The following NMNAT1 variants were observed in gnomAD, a reference collection of about 807,000 sequenced individuals.
NMNAT1 encodes nicotinamide nucleotide adenylyltransferase 1.
Under a neutral mutation model 16.7 loss-of-function variants are expected in NMNAT1, and 11 were observed. That is an observed-to-expected ratio of 0.66 (90% CI 0.41 to 1.09). The LOEUF is 1.09. Ranked by LOEUF, NMNAT1 falls within the 50% of genes least tolerant of loss-of-function variation. NMNAT1 has a pLI of 0.00. For synonymous variants in NMNAT1, 110 were observed against 119.8 expected (o/e 0.92, Z 0.53); for missense variants, 280 against 332.3 (o/e 0.84, Z 1.22).
intron 3 of NMNAT1, 118 bp from the exon 4 acceptor site, chr1:9,980,913 C>G: frequency 1.8e-6 from 2 of 1,140,284 alleles, no homozygotes. Flanking sequence ...ACCTCGGCCT[C>G]CCAAAGTGCT....
intron 1 of NMNAT1, among the ~76,000 whole-genome samples, chr1:9,959,940 A>G (rs1400207380): frequency 2.0e-5 from 3 of 152,220 alleles, no homozygotes; most frequent in Non-Finnish European, 2.9e-5. Context: ...GAACATAGCT[A>G]CATGCTTAAA....
chr1:9,982,276 C>T, intron 4 of NMNAT1, 25 bp from the exon 5 acceptor site: 8 of 1,583,636 alleles, frequency 5.1e-6, no homozygotes, highest in Admixed American at 1.8e-5. Context: ...AAGCATACCC[C>T]AAAGCTCTGT....
chr1:9,944,358 G>C (rs1640914202), intron 1 of NMNAT1, among the ~76,000 whole-genome samples: 1 of 152,046 alleles, frequency 6.6e-6, no homozygotes, highest in South Asian at 2.1e-4. Flanking sequence ...GCCCAGGCTG[G>C]GCAACATAGC....
chr1:9,986,811 G>A (rs561570185), downstream of NMNAT1, among the ~76,000 whole-genome samples: 2 of 152,286 alleles, frequency 1.3e-5, no homozygotes, highest in Admixed American at 1.3e-4. Context: ...GAGCACAGGA[G>A]GCGGAGGTTA....
In NMNAT1 at chr1:9,982,961, C is replaced by T. The variant is rs1002323486; in HGVS notation, c.*260C>T. On this transcript the variant is annotated 3_prime_UTR_variant, in exon 5 of 5. Transcript: ENST00000377205. ...TCTCTACTAAAAATACAAAAATTAG[C>T]TGTGTGTGGTGGCACGTGCCTGTAG... 2 of 314,784 alleles carry T rather than the reference C, an allele frequency of 6.4e-6. No homozygotes were observed. The highest frequency in any genetic ancestry group is 4.4e-5 in the African/African-American group (2 of 45,496). 19.5% of individuals were successfully genotyped at this position (314,784 alleles called of 1,614,324 possible).
chr1:9,966,074 A>G (rs1338138635), intron 1 of NMNAT1, among the ~76,000 whole-genome samples: 7 of 151,950 alleles, frequency 4.6e-5, no homozygotes, highest in Non-Finnish European at 8.8e-5. Context: ...TGAAGCAGTC[A>G]GATCACTTGA....
chr1:9,977,328 C>A (rs953255346), intron 3 of NMNAT1, among the ~76,000 whole-genome samples: 2 of 151,892 alleles, frequency 1.3e-5, no homozygotes, highest in Non-Finnish European at 2.9e-5. Flanking sequence ...TGGCCTCAAG[C>A]AATCCTCCCA....
chr1:9,978,943 C>G (rs1641874650), intron 3 of NMNAT1, among the ~76,000 whole-genome samples: 1 of 152,180 alleles, frequency 6.6e-6, no homozygotes, highest in South Asian at 2.1e-4. Context: ...AAGATTAAGC[C>G]ACACTCTTCC....
At chr1:9,948,249 C>T (rs530979460) in intron 1 of NMNAT1, among the ~76,000 whole-genome samples, 4 of 152,238 alleles carry the variant, frequency 2.6e-5, no homozygotes, top group Non-Finnish European at 4.4e-5. Flanking sequence ...ATACGTTCTT[C>T]TTGCCCATTA....
intron 1 of NMNAT1, among the ~76,000 whole-genome samples, chr1:9,963,320 A>AC (rs1369996250): frequency 1.3e-5 from 2 of 152,118 alleles, no homozygotes; most frequent in African/African-American, 4.8e-5. Context: ...AACAGTCTTG[A>AC]CACAGGTGTT....
At chr1:9,975,547 A>T (rs751253412) in intron 2 of NMNAT1, 45 bp from the exon 3 acceptor site, 1 of 1,367,190 alleles carries the variant, frequency 7.3e-7, no homozygotes, top group Non-Finnish European at 1.0e-6. Flanking sequence ...CTGTGCATAA[A>T]GTCTAATTTG....
intron 1 of NMNAT1, among the ~76,000 whole-genome samples, chr1:9,948,736 G>A (rs1273960396): frequency 2.0e-5 from 3 of 150,490 alleles, no homozygotes; most frequent in African/African-American, 4.9e-5. Context: ...TGCAACCTCC[G>A]CCTCCTGGGT....
chr1:9,989,709 A>G (rs1642086389), downstream of NMNAT1, among the ~76,000 whole-genome samples: 1 of 152,138 alleles, frequency 6.6e-6, no homozygotes, highest in African/African-American at 2.4e-5. Flanking sequence ...ACCATCTTCA[A>G]TTCATTTGTG....
chr1:9,943,232 A>C, upstream of NMNAT1: 2 of 158,332 alleles, frequency 1.3e-5, no homozygotes, highest in Non-Finnish European at 2.8e-5. Flanking sequence ...GGTCCCCGAA[A>C]CTCCTTCCGG....
At chr1:9,977,012 T>A (rs1318795307) in intron 3 of NMNAT1, among the ~76,000 whole-genome samples, 1 of 151,680 alleles carries the variant, frequency 6.6e-6, no homozygotes, top group African/African-American at 2.4e-5. Flanking sequence ...GTTCAAGCCG[T>A]TCCCCTGCCT....
At chr1:9,952,854 C>T (rs1641149214) in intron 1 of NMNAT1, among the ~76,000 whole-genome samples, 1 of 152,076 alleles carries the variant, frequency 6.6e-6, no homozygotes, top group Non-Finnish European at 1.5e-5. Flanking sequence ...CATATTTGAG[C>T]CACCACGCTC....
rs1259967413 is a variant in NMNAT1 at position 9,983,866 on chromosome 1, G to C, written c.*1165G>C. The C allele has an allele frequency of 6.6e-6, 1 of 152,112 alleles. No individual in the cohort carries two copies. The highest frequency in any genetic ancestry group is 6.6e-5 in the Admixed American group (1 of 15,238). 9.4% of individuals were successfully genotyped at this position (152,112 alleles called of 1,614,324 possible). ...GACTTCCTCTGGGAAACTACACCTA[G>C]TTCATCTGAAGTGTCACGTAAACTG... is the stretch of plus-strand genomic sequence containing the variant. On this transcript the variant is annotated 3_prime_UTR_variant, in exon 5 of 5. Coordinates refer to ENST00000377205, the MANE Select transcript of NMNAT1 (RefSeq NM_022787.4).
the NMNAT1 span, among the ~76,000 whole-genome samples, chr1:9,992,854 G>A: frequency 6.6e-6 from 1 of 152,162 alleles, no homozygotes; most frequent in African/African-American, 2.4e-5. Flanking sequence ...GGAGCTTGCA[G>A]TGAGTGGAGA....
At chr1:9,970,120 T>C (rs1641654060) in intron 1 of NMNAT1, among the ~76,000 whole-genome samples, 2 of 152,258 alleles carry the variant, frequency 1.3e-5, no homozygotes, top group Middle Eastern at 3.4e-3. Flanking sequence ...GGAGATAAAC[T>C]ATATTGGGCA....
Sources: gnomAD v4.1 joint callset for allele counts (sites outside exome capture counted in the v4.1 genomes callset) on GRCh38, gnomAD v4.1.1 for gene constraint, MANE v1.5 for transcripts, NCBI Gene and HGNC (gene_info 2026-07-23, HGNC 2026-07-21) for gene names.